SRPK2: variants seen among roughly 807,000 people sequenced by gnomAD.
SRPK2 encodes SFRS protein kinase 2.
A neutral mutation model predicts 90.8 loss-of-function variants in SRPK2; 21 were observed. The ratio of observed to expected loss-of-function variants is 0.23; its 90% CI spans 0.16 to 0.33. SRPK2 has a LOEUF of 0.33. Ranked by LOEUF, SRPK2 falls within the 10% of genes least tolerant of loss-of-function variation. The pLI, the probability that SRPK2 is intolerant of heterozygous loss-of-function variation, is 1.00. For synonymous variants in SRPK2, 288 were observed against 311.1 expected, an observed-to-expected ratio of 0.93 and a Z score of 0.78; for missense variants, 620 against 869.0, an observed-to-expected ratio of 0.71 and a Z score of 3.60.
intron 2 of SRPK2, among the ~76,000 whole-genome samples, chr7:105,357,481 C>T (rs1441259833): frequency 6.6e-6 from 1 of 152,170 alleles, no homozygotes; most frequent in African/African-American, 2.4e-5. Context: ...TATCTCTTCA[C>T]TATTTCTAGA....
intron 3 of SRPK2, among the ~76,000 whole-genome samples, chr7:105,186,689 T>G (rs1053347131): frequency 8.5e-5 from 13 of 152,210 alleles, no homozygotes; most frequent in Non-Finnish European, 1.3e-4. Flanking sequence ...TGAAACTGAA[T>G]GAGCGTCTGA....
At chr7:105,365,429 T>C (rs1187522935) in intron 2 of SRPK2, among the ~76,000 whole-genome samples, 1 of 141,930 alleles carries the variant, frequency 7.0e-6, no homozygotes, top group Non-Finnish European at 1.5e-5. Flanking sequence ...GAGATTGCAG[T>C]GAGCCGAGAT....
intron 13 of SRPK2, 105 bp downstream of exon 13, chr7:105,132,686 A>T: frequency 1.1e-6 from 1 of 879,822 alleles, no homozygotes. Flanking sequence ...TGACCCTTAC[A>T]GTCAGAAAAA....
At chr7:105,372,806 C>T (rs1013839469) in intron 2 of SRPK2, among the ~76,000 whole-genome samples, 7 of 151,844 alleles carry the variant, frequency 4.6e-5, no homozygotes, top group East Asian at 1.9e-4. Flanking sequence ...TCTGTGAGTA[C>T]GACTGGGCAT....
rs1302857136 is a variant in SRPK2 at position 105,132,857 on chromosome 7, G to A, written c.1686C>T (p.Arg562=). The A allele has an allele frequency of 6.2e-7, 1 of 1,611,492 alleles. No individual in the cohort carries two copies. Among genetic ancestry groups the A allele is most frequent in the African/African-American group, 1.3e-5 (1 of 74,882 alleles). The part of the protein sequence containing the change: ...FTEDIQTRQY[R]SIEVLIGAGY... The stretch of plus-strand genomic sequence containing the variant: ...CCGCTCCTATTAAAACCTCTATGGA[G>A]CGGTACTGACGCGTCTGGATGTCTT... The change falls in exon 13 of 16, where the codon CGC becomes CGT. Residue 562 remains arginine, a synonymous_variant. Coordinates refer to ENST00000393651, the MANE Select transcript of SRPK2 (RefSeq NM_182692.3).
chr7:105,148,149 C>T (rs926150772), intron 7 of SRPK2, among the ~76,000 whole-genome samples: 1 of 152,168 alleles, frequency 6.6e-6, no homozygotes, highest in Admixed American at 6.5e-5. Context: ...TCCAATTCTT[C>T]GCCCTGAACA....
At chr7:105,296,070 C>T (rs993152875) in intron 2 of SRPK2, among the ~76,000 whole-genome samples, 1 of 131,648 alleles carries the variant, frequency 7.6e-6, no homozygotes, top group African/African-American at 2.6e-5. Flanking sequence ...AAATATGGAC[C>T]TTATTTTCTC....
At chr7:105,226,536 C>T (rs1025676677) in intron 2 of SRPK2, among the ~76,000 whole-genome samples, 10 of 152,104 alleles carry the variant, frequency 6.6e-5, no homozygotes, top group Admixed American at 5.2e-4. Context: ...AGGTGATCTG[C>T]CCACCTCAGC....
At chr7:105,136,923 A>G (rs1802914148) in intron 11 of SRPK2, among the ~76,000 whole-genome samples, 1 of 152,210 alleles carries the variant, frequency 6.6e-6, no homozygotes, top group South Asian at 2.1e-4. Context: ...CTAAATTAGG[A>G]AACTCGTGTA....
At chr7:105,184,978 T>C (rs1172965058) in intron 3 of SRPK2, among the ~76,000 whole-genome samples, 5 of 152,108 alleles carry the variant, frequency 3.3e-5, no homozygotes, top group Non-Finnish European at 5.9e-5. Flanking sequence ...TTCTATGAGA[T>C]CATTAAAAGG....
intron 2 of SRPK2, among the ~76,000 whole-genome samples, chr7:105,341,339 A>G (rs1477606247): frequency 7.6e-6 from 1 of 130,850 alleles, no homozygotes; most frequent in Admixed American, 8.7e-5. Flanking sequence ...GCCTGGGCGA[A>G]AGGGCGAGAC....
intron 2 of SRPK2, among the ~76,000 whole-genome samples, chr7:105,235,575 T>C (rs1452818858): frequency 1.3e-5 from 2 of 152,218 alleles, no homozygotes; most frequent in Non-Finnish European, 2.9e-5. Context: ...GTCAGTTAGC[T>C]TTTCCATTTG....
chr7:105,146,307 A>G (rs1400109331), intron 8 of SRPK2, among the ~76,000 whole-genome samples, 186 bp downstream of exon 8: 3 of 152,248 alleles, frequency 2.0e-5, no homozygotes, highest in African/African-American at 7.2e-5. Flanking sequence ...AAAAGTAAAT[A>G]CTTCCAATAT....
intron 2 of SRPK2, among the ~76,000 whole-genome samples, chr7:105,265,698 G>A (rs947010082): frequency 6.6e-6 from 1 of 151,812 alleles, no homozygotes; most frequent in Non-Finnish European, 1.5e-5. Context: ...GTCTAGCACC[G>A]ACTCTACTAT....
At chr7:105,299,204 A>G (rs770705328) in intron 2 of SRPK2, among the ~76,000 whole-genome samples, 14 of 152,176 alleles carry the variant, frequency 9.2e-5, no homozygotes, top group Non-Finnish European at 1.5e-4. Flanking sequence ...TCACCATCCC[A>G]ATCTGAAGAC....
At chr7:105,157,866 G>C (rs1806763200) in intron 7 of SRPK2, among the ~76,000 whole-genome samples, 1 of 152,148 alleles carries the variant, frequency 6.6e-6, no homozygotes, top group African/African-American at 2.4e-5. Flanking sequence ...AGGAGACAAA[G>C]AGACCAGCCT....
At chr7:105,127,279 T>C (rs1028475076) in intron 13 of SRPK2, among the ~76,000 whole-genome samples, 2 of 152,264 alleles carry the variant, frequency 1.3e-5, no homozygotes, top group African/African-American at 4.8e-5. Flanking sequence ...GAGCTATGTA[T>C]TCTCTTCATT....
chr7:105,282,750 C>A (rs1157068564), intron 2 of SRPK2, among the ~76,000 whole-genome samples: 1 of 152,086 alleles, frequency 6.6e-6, no homozygotes, highest in Non-Finnish European at 1.5e-5. Flanking sequence ...GATTGTGCCA[C>A]TGCATTCCAG....
intron 2 of SRPK2, among the ~76,000 whole-genome samples, chr7:105,325,741 C>G (rs1261214656): frequency 2.6e-5 from 4 of 152,138 alleles, no homozygotes; most frequent in African/African-American, 9.7e-5. Context: ...GTAGTCACAG[C>G]TACCTGGGAT....
Sources: allele counts gnomAD v4.1 joint callset (sites outside exome capture counted in the v4.1 genomes callset), GRCh38; gene constraint gnomAD v4.1.1; transcripts MANE v1.5; gene names NCBI Gene and HGNC (gene_info 2026-07-23, HGNC 2026-07-21).